Variants in FAM78B observed in about 807,000 individuals in gnomAD.
FAM78B encodes the protein protein FAM78B.
FAM78B carries 10 observed loss-of-function variants against 20.0 expected under a neutral mutation model. The ratio of observed to expected loss-of-function variants is 0.50; its 90% CI spans 0.31 to 0.85. The LOEUF is 0.85. Among genes scored for constraint, FAM78B ranks in the 40% least tolerant of loss-of-function variants. The pLI, the probability that FAM78B is intolerant of heterozygous loss-of-function variation, is 0.05. For missense variants in FAM78B, 283 were observed against 345.0 expected (o/e 0.82, Z 1.42); for synonymous variants, 135 against 132.8 (o/e 1.02, Z -0.12).
intron 1 of FAM78B, among the ~76,000 whole-genome samples, chr1:166,091,041 G>T (rs2101736772): frequency 6.6e-6 from 1 of 152,300 alleles, no homozygotes; most frequent in South Asian, 2.1e-4. Context: ...TTGAACGTAG[G>T]CTGACTGGCT....
At chr1:166,068,140 A>C (rs1219155778), downstream of FAM78B, among the ~76,000 whole-genome samples, 1 of 152,196 alleles carries the variant, frequency 6.6e-6, no homozygotes, top group Non-Finnish European at 1.5e-5. Flanking sequence ...GTGGGGCCAC[A>C]TGGATTAGAT....
intron 1 of FAM78B, among the ~76,000 whole-genome samples, chr1:166,162,400 T>C (rs1656181416): frequency 6.6e-6 from 1 of 152,212 alleles, no homozygotes. Context: ...GTTTCCATAC[T>C]ATCAGCCCAG....
intron 1 of FAM78B, among the ~76,000 whole-genome samples, chr1:166,115,683 G>A (rs1054707454): frequency 9.9e-5 from 15 of 152,200 alleles, no homozygotes; most frequent in African/African-American, 3.4e-4. Context: ...CCAGGACACC[G>A]TTGTAAGTGC....
chr1:166,091,868 G>A (rs966603633), intron 1 of FAM78B, among the ~76,000 whole-genome samples: 7 of 152,154 alleles, frequency 4.6e-5, no homozygotes, highest in African/African-American at 1.2e-4. Context: ...GAAAGGTTAC[G>A]TGATTTTCTC....
intron 1 of FAM78B, among the ~76,000 whole-genome samples, chr1:166,116,455 C>A (rs553124002): frequency 1.3e-5 from 2 of 152,260 alleles, no homozygotes; most frequent in East Asian, 3.9e-4. Flanking sequence ...AGGCGCTCAG[C>A]CAGGGAAAGA....
chr1:166,058,050 T>C (rs923867133), exon 3 of FAM78B: 2 of 152,084 alleles, frequency 1.3e-5, no homozygotes, highest in African/African-American at 4.8e-5. Context: ...CAAGTGTGCT[T>C]GCTTGTGCTC....
chr1:166,102,102 C>T (rs1403563466), intron 1 of FAM78B, among the ~76,000 whole-genome samples: 4 of 152,096 alleles, frequency 2.6e-5, no homozygotes, highest in African/African-American at 9.7e-5. Flanking sequence ...TCATATCCAG[C>T]CAAACTAAGC....
chr1:166,142,836 G>A (rs1655328175), intron 1 of FAM78B, among the ~76,000 whole-genome samples: 1 of 152,178 alleles, frequency 6.6e-6, no homozygotes, highest in African/African-American at 2.4e-5. Flanking sequence ...TGGGTTGAAG[G>A]GTTAATTAAG....
chr1:166,079,140 C>T (rs11807736), intron 1 of FAM78B, among the ~76,000 whole-genome samples: 31,720 of 151,826 alleles, frequency 0.21, 3,579 homozygotes, highest in Non-Finnish European at 0.25. Flanking sequence ...GCTATGTTAC[C>T]CAGGTTGGTC....
At chr1:166,163,714 C>G (rs555742530) in intron 1 of FAM78B, among the ~76,000 whole-genome samples, 4 of 152,310 alleles carry the variant, frequency 2.6e-5, no homozygotes, top group African/African-American at 9.6e-5. Flanking sequence ...GCATAAATAT[C>G]TTGTGGAAAT....
chr1:166,077,180 A>G (rs1342655765), intron 1 of FAM78B, among the ~76,000 whole-genome samples: 1 of 152,166 alleles, frequency 6.6e-6, no homozygotes, highest in Non-Finnish European at 1.5e-5. Context: ...AAAAACGAGA[A>G]GAAGTTGGGC....
intron 1 of FAM78B, among the ~76,000 whole-genome samples, chr1:166,093,395 C>T (rs1035887967): frequency 6.6e-6 from 1 of 152,168 alleles, no homozygotes; most frequent in Non-Finnish European, 1.5e-5. Context: ...CTTCCCATTG[C>T]TCCCACCAGG....
chr1:166,101,581 G>A (rs1200530454), intron 1 of FAM78B, among the ~76,000 whole-genome samples: 3 of 152,220 alleles, frequency 2.0e-5, no homozygotes, highest in African/African-American at 7.2e-5. Flanking sequence ...TTCAGTAGCC[G>A]ATTCGATCAA....
At chr1:166,092,154 G>C (rs1653102269) in intron 1 of FAM78B, among the ~76,000 whole-genome samples, 1 of 151,728 alleles carries the variant, frequency 6.6e-6, no homozygotes, top group Admixed American at 6.6e-5. Flanking sequence ...AATACCTGTA[G>C]TATACTTGGT....
intron 1 of FAM78B, among the ~76,000 whole-genome samples, chr1:166,108,673 A>G (rs1321627630): frequency 2.0e-5 from 3 of 152,154 alleles, no homozygotes; most frequent in African/African-American, 7.2e-5. Context: ...TAAAATTCAT[A>G]CGGAAACAAA....
rs147506056 is a variant in FAM78B, at chr1:166,115,033, T to C, written c.264-44270A>G. The stretch of plus-strand genomic sequence containing the variant: ...AGAGTTTTGGGAGGAGCATGTGGTA[T>C]GACTGTCCTCTCAAGATGTGACAGA... On this transcript the variant is annotated intron_variant, in intron 1 of 1. Coordinates refer to ENST00000354422, the MANE Select transcript of FAM78B (RefSeq NM_001017961.5). 1.5e-4 allele frequency among the ~76,000 whole-genome samples: 23 copies of C among 152,276 alleles called. 1 individual carries two copies. Among genetic ancestry groups the C allele is most frequent in the African/African-American group, 4.6e-4 (19 of 41,558 alleles).
At chr1:166,071,233 AT>A (rs1307052867) in intron 1 of FAM78B, among the ~76,000 whole-genome samples, 1 of 152,242 alleles carries the variant, frequency 6.6e-6, no homozygotes, top group African/African-American at 2.4e-5. Flanking sequence ...GGTTATATTA[AT>A]TTCTTAGGAA....
At chr1:166,128,453 T>C (rs1325805963) in intron 1 of FAM78B, among the ~76,000 whole-genome samples, 1 of 152,206 alleles carries the variant, frequency 6.6e-6, no homozygotes, top group African/African-American at 2.4e-5. Context: ...TCCCTCCCTC[T>C]CTGCACTCTG....
At chr1:166,158,607 C>G (rs77765256) in intron 1 of FAM78B, among the ~76,000 whole-genome samples, 1 of 152,190 alleles carries the variant, frequency 6.6e-6, no homozygotes, top group Non-Finnish European at 1.5e-5. Flanking sequence ...AGACGTTCCT[C>G]GATCTGGACA....
Sources: gnomAD v4.1 joint callset for allele counts (sites outside exome capture counted in the v4.1 genomes callset) on GRCh38, gnomAD v4.1.1 for gene constraint, MANE v1.5 for transcripts, NCBI Gene and HGNC (gene_info 2026-07-23, HGNC 2026-07-21) for gene names.